The following SYN3 variants were observed in gnomAD, a reference collection of about 807,000 sequenced individuals.
The protein encoded by SYN3 is synapsin-3.
Under a neutral mutation model 65.8 loss-of-function variants are expected in SYN3, and 35 were observed. The ratio of observed to expected loss-of-function variants is 0.53; its 90% confidence interval spans 0.41 to 0.70. SYN3 has a LOEUF of 0.70. Ranked by LOEUF, SYN3 falls within the 30% of genes least tolerant of loss-of-function variation. SYN3 has a pLI of 0.00. For synonymous variants in SYN3, 270 were observed against 292.9 expected (o/e 0.92, Z 0.80); for missense variants, 680 against 749.0 (o/e 0.91, Z 1.08).
intron 6 of SYN3, among the ~76,000 whole-genome samples, chr22:32,670,626 G>A (rs958096357): frequency 1.6e-4 from 25 of 152,204 alleles, no homozygotes; most frequent in Non-Finnish European, 2.4e-4. Flanking sequence ...GCATTGAAGA[G>A]GGATGACTCC....
chr22:32,751,746 G>C (rs1387197472), intron 6 of SYN3, among the ~76,000 whole-genome samples: 1 of 152,194 alleles, frequency 6.6e-6, no homozygotes, highest in African/African-American at 2.4e-5. Context: ...TTGAGGAAAG[G>C]CTTGCAGGGG....
chr22:32,540,312 G>A (rs5754141), intron 8 of SYN3, among the ~76,000 whole-genome samples: 41,985 of 152,040 alleles, frequency 0.28, 6,043 homozygotes, highest in Middle Eastern at 0.41. Flanking sequence ...AGCTGGATTC[G>A]GCCTGTGGTT....
intron 7 of SYN3, among the ~76,000 whole-genome samples, chr22:32,562,825 A>G (rs1423857524): frequency 6.6e-6 from 1 of 152,260 alleles, no homozygotes; most frequent in African/African-American, 2.4e-5. Context: ...TGATTGGCCC[A>G]GGGTCCTTCC....
intron 6 of SYN3, among the ~76,000 whole-genome samples, chr22:32,601,611 C>T (rs2059285197): frequency 6.6e-6 from 1 of 150,600 alleles, no homozygotes; most frequent in Admixed American, 6.6e-5. Flanking sequence ...TTGTGGGAAA[C>T]AGCAATCTTT....
intron 6 of SYN3, among the ~76,000 whole-genome samples, chr22:32,670,834 T>C (rs2060350313): frequency 6.6e-6 from 1 of 152,228 alleles, no homozygotes; most frequent in Non-Finnish European, 1.5e-5. Context: ...GATGAATGTC[T>C]GGAGTAATGA....
At chr22:32,994,916 G>C (rs565088961) in intron 2 of SYN3, among the ~76,000 whole-genome samples, 1 of 152,274 alleles carries the variant, frequency 6.6e-6, no homozygotes, top group South Asian at 2.1e-4. Flanking sequence ...CCGTGTACCA[G>C]CTCCACCCAT....
intron 6 of SYN3, among the ~76,000 whole-genome samples, chr22:32,673,603 A>G (rs1347281766): frequency 6.6e-6 from 1 of 152,250 alleles, no homozygotes; most frequent in Admixed American, 6.5e-5. Flanking sequence ...GTACCCCATC[A>G]GGACTTGAAG....
chr22:32,987,721 G>A (rs2052568901), intron 2 of SYN3, among the ~76,000 whole-genome samples: 1 of 152,014 alleles, frequency 6.6e-6, no homozygotes, highest in African/African-American at 2.4e-5. Context: ...GATTTTTGTG[G>A]GCAGGATCTG....
chr22:32,761,726 G>A (rs1428891782), intron 6 of SYN3, among the ~76,000 whole-genome samples: 1 of 152,196 alleles, frequency 6.6e-6, no homozygotes, highest in East Asian at 1.9e-4. Flanking sequence ...TTTAAAGCAA[G>A]ATTTCCTTCC....
intron 6 of SYN3, among the ~76,000 whole-genome samples, chr22:32,640,046 C>T (rs1241061759): frequency 6.6e-6 from 1 of 152,238 alleles, no homozygotes; most frequent in Non-Finnish European, 1.5e-5. Context: ...CACAAACACA[C>T]AGGCCACTCT....
intron 6 of SYN3, among the ~76,000 whole-genome samples, chr22:32,735,543 G>GT (rs2061327574): frequency 6.7e-6 from 1 of 149,206 alleles, no homozygotes; most frequent in Non-Finnish European, 1.5e-5. Context: ...TTGTTTGTTT[G>GT]TTTTTTCCCC....
At chr22:32,514,069 G>A (rs959968917) in intron 13 of SYN3, among the ~76,000 whole-genome samples, 4 of 152,078 alleles carry the variant, frequency 2.6e-5, no homozygotes, top group Non-Finnish European at 5.9e-5. Flanking sequence ...AACTTGCTCC[G>A]GTCCTCACAG....
At chr22:32,575,044 C>T (rs1419470200) in intron 7 of SYN3, among the ~76,000 whole-genome samples, 1 of 152,136 alleles carries the variant, frequency 6.6e-6, no homozygotes, top group Non-Finnish European at 1.5e-5. Context: ...GTACCTAGGC[C>T]CTCTTTTGAC....
intron 3 of SYN3, among the ~76,000 whole-genome samples, chr22:32,940,912 C>T (rs1331326682): frequency 6.6e-6 from 1 of 152,178 alleles, no homozygotes; most frequent in Non-Finnish European, 1.5e-5. Context: ...CTTATTTGCT[C>T]ACTGCAAAAT....
chr22:32,832,084 C>T (rs135028), intron 6 of SYN3, among the ~76,000 whole-genome samples: 145,369 of 152,250 alleles, frequency 0.95, 69,455 homozygotes, highest in African/African-American at 0.99. Flanking sequence ...GGGCCAACTC[C>T]GTACTTGTTT....
At chr22:32,865,995 C>T (rs1312607815) in intron 5 of SYN3, among the ~76,000 whole-genome samples, 4 of 152,090 alleles carry the variant, frequency 2.6e-5, no homozygotes, top group African/African-American at 4.8e-5. Flanking sequence ...CATGCTGTGG[C>T]GTCAGTTGCA....
At chr22:32,605,223 G>A (rs1324579923) in intron 6 of SYN3, among the ~76,000 whole-genome samples, 1 of 152,016 alleles carries the variant, frequency 6.6e-6, no homozygotes, top group East Asian at 1.9e-4. Context: ...TATGCGAACA[G>A]GCAGAGTCAG....
At chr22:32,583,009 G>T (rs1569062208) in intron 7 of SYN3, among the ~76,000 whole-genome samples, 1 of 152,170 alleles carries the variant, frequency 6.6e-6, no homozygotes. Flanking sequence ...TTGTCTTCCA[G>T]CTTCACCCCT....
chr22:32,680,951 TCC>T (rs2060514138), intron 6 of SYN3, among the ~76,000 whole-genome samples: 1 of 152,354 alleles, frequency 6.6e-6, no homozygotes, highest in East Asian at 1.9e-4. Flanking sequence ...ATGTGATTCC[TCC>T]CCTTCTCCAC....
Sources: gnomAD v4.1 joint callset for allele counts (sites outside exome capture counted in the v4.1 genomes callset) on GRCh38, gnomAD v4.1.1 for gene constraint, MANE v1.5 for transcripts, NCBI Gene and HGNC (gene_info 2026-07-23, HGNC 2026-07-21) for gene names.